Variants in HESX1 observed in about 807,000 individuals in gnomAD.
The protein encoded by HESX1 is homeobox expressed in ES cells 1.
In HESX1, 11 loss-of-function variants were observed where a neutral mutation model predicts 22.5. That is an observed-to-expected ratio of 0.49 (90% CI 0.31 to 0.81). The LOEUF is 0.81. HESX1 is among the 30% of genes least tolerant of loss of function. The pLI is 0.05. For synonymous variants in HESX1, 74 were observed against 76.5 expected, an observed-to-expected ratio of 0.97 and a Z score of 0.17; for missense variants, 201 against 212.6, an observed-to-expected ratio of 0.95 and a Z score of 0.34.
intron 1 of HESX1, among the ~76,000 whole-genome samples, chr3:57,199,267 T>C (rs1201394786): frequency 1.3e-5 from 2 of 152,184 alleles, no homozygotes; most frequent in Admixed American, 6.5e-5. Flanking sequence ...TCCACTTTGC[T>C]CAATCCAAAG....
chr3:57,201,861 ATATCTATCTATCTATATCTATC>A (rs2060488729), upstream of HESX1, among the ~76,000 whole-genome samples: 1 of 146,324 alleles, frequency 6.8e-6, no homozygotes, highest in South Asian at 2.2e-4. Flanking sequence ...TTACATATCT[ATATCTATCTATCTATATCTATC>A]TATCTATCTA....
intron 1 of HESX1, among the ~76,000 whole-genome samples, chr3:57,215,901 T>G (rs1359883346): frequency 6.6e-6 from 1 of 152,246 alleles, no homozygotes; most frequent in Non-Finnish European, 1.5e-5. Flanking sequence ...TGTAATGTTT[T>G]TGACTTAATT....
chr3:57,199,329 T>A (rs1450795740), intron 1 of HESX1, among the ~76,000 whole-genome samples: 1 of 152,128 alleles, frequency 6.6e-6, no homozygotes, highest in Non-Finnish European at 1.5e-5. Flanking sequence ...TTAAAAGTCC[T>A]AGACTCTGGC....
intron 1 of HESX1, among the ~76,000 whole-genome samples, chr3:57,207,709 A>T (rs575138923): frequency 6.6e-6 from 1 of 152,346 alleles, no homozygotes; most frequent in East Asian, 1.9e-4. Context: ...TAAAGAACTA[A>T]AAGTTAGAAT....
intron 1 of HESX1, among the ~76,000 whole-genome samples, chr3:57,211,217 CAA>C (rs1331625270): frequency 1.0e-4 from 9 of 88,160 alleles, no homozygotes; most frequent in Non-Finnish European, 7.0e-5. Context: ...AACTCCATCT[CAA>C]AAAAAAAAAA....
At chr3:57,215,008 G>A (rs1382678588) in intron 1 of HESX1, among the ~76,000 whole-genome samples, 1 of 152,142 alleles carries the variant, frequency 6.6e-6, no homozygotes, top group Non-Finnish European at 1.5e-5. Context: ...TTAAGACAAA[G>A]TTCCCAGAAT....
intron 1 of HESX1, among the ~76,000 whole-genome samples, chr3:57,218,414 T>C (rs2060595362): frequency 6.6e-6 from 1 of 151,512 alleles, no homozygotes; most frequent in African/African-American, 2.4e-5. Context: ...GCTCTATCCA[T>C]GTTTGGAAAG....
At chr3:57,211,548 A>AAAAAAAAAAAAAC in intron 1 of HESX1, among the ~76,000 whole-genome samples, 4 of 147,664 alleles carry the variant, frequency 2.7e-5, no homozygotes, top group Admixed American at 6.8e-5. Flanking sequence ...AAAAAAAAAA[A>AAAAAAAAAAAAAC]AAAGCCAGGC....
At chr3:57,198,581 T>G (rs943801871) in intron 2 of HESX1, 89 bp from the exon 3 acceptor site, 7 of 1,026,220 alleles carry the variant, frequency 6.8e-6, no homozygotes, top group Non-Finnish European at 1.1e-5. Flanking sequence ...ATCTTGGCAA[T>G]TAATCTGGAT....
chr3:57,213,724 A>G (rs1441750854), intron 1 of HESX1, among the ~76,000 whole-genome samples: 1 of 152,198 alleles, frequency 6.6e-6, no homozygotes, highest in Non-Finnish European at 1.5e-5. Context: ...CAGGAGTTCA[A>G]GACCATCCTG....
chr3:57,204,642 A>G (rs2060509622), upstream of HESX1, among the ~76,000 whole-genome samples: 1 of 152,164 alleles, frequency 6.6e-6, no homozygotes, highest in Non-Finnish European at 1.5e-5. Flanking sequence ...TTTGCATAAG[A>G]TCATCCAGTG....
At chr3:57,198,698 C>A (rs2060463658) in intron 2 of HESX1, 55 bp downstream of exon 2, 17 of 1,513,490 alleles carry the variant, frequency 1.1e-5, no homozygotes, top group Non-Finnish European at 1.6e-5. Context: ...TTTTGCTCAA[C>A]TTGGTGTCAA....
chr3:57,221,534 C>A (rs1024570985), intron 1 of HESX1, among the ~76,000 whole-genome samples: 9 of 152,154 alleles, frequency 5.9e-5, no homozygotes, highest in African/African-American at 2.2e-4. Flanking sequence ...ATAAGGTTTG[C>A]CCAGGCTGGA....
intron 1 of HESX1, among the ~76,000 whole-genome samples, chr3:57,215,516 C>G (rs1222512998): frequency 1.3e-5 from 2 of 152,102 alleles, no homozygotes; most frequent in African/African-American, 4.8e-5. Flanking sequence ...CACCTGTAAT[C>G]CCAGCACTTC....
chr3:57,221,264 C>T (rs1417206136), intron 1 of HESX1, among the ~76,000 whole-genome samples: 5 of 151,958 alleles, frequency 3.3e-5, no homozygotes, highest in African/African-American at 1.2e-4. Context: ...AGCGATCCTC[C>T]CACCTCAGCC....
intron 1 of HESX1, among the ~76,000 whole-genome samples, chr3:57,206,133 G>A (rs2107573036): frequency 6.6e-6 from 1 of 152,316 alleles, no homozygotes; most frequent in East Asian, 1.9e-4. Context: ...AGAGGTGGCA[G>A]TGAGCCGAGA....
At chr3:57,216,157 T>A (rs532964336) in intron 1 of HESX1, among the ~76,000 whole-genome samples, 1 of 152,228 alleles carries the variant, frequency 6.6e-6, no homozygotes, top group Non-Finnish European at 1.5e-5. Flanking sequence ...ATAACTTCCT[T>A]CACAGTAAAA....
chr3:57,199,822 T>C lies in HESX1; in HGVS notation c.97A>G (p.Lys33Glu). The C allele has an allele frequency of 4.3e-6, 7 of 1,614,070 alleles. No homozygotes were observed. Among genetic ancestry groups the C allele is most frequent in the Non-Finnish European group, 5.9e-6 (7 of 1,179,962 alleles). ...IERILGLDQKKDCVPLMKPHR... is the reference protein window; with the variant it reads ...IERILGLDQKEDCVPLMKPHR... ...GGTTTCATTAATGGAACACAGTCTT[T>C]CTTCTGGTCCAGTCCTAAGATTCTC... Residue 33 changes from lysine (K) to glutamate (E), a missense_variant, in exon 1 of 4, where the codon AAA becomes GAA. Transcript: ENST00000295934.
chr3:57,222,536 G>A (rs1206644002), intron 1 of HESX1, among the ~76,000 whole-genome samples: 1 of 152,134 alleles, frequency 6.6e-6, no homozygotes, highest in Non-Finnish European at 1.5e-5. Context: ...TGGGATTACA[G>A]CTGTGAGCCA....
Sources: gnomAD v4.1 joint callset for allele counts (sites outside exome capture counted in the v4.1 genomes callset) on GRCh38, gnomAD v4.1.1 for gene constraint, MANE v1.5 for transcripts, NCBI Gene and HGNC (gene_info 2026-07-23, HGNC 2026-07-21) for gene names.